The following NRG3 variants were observed in gnomAD, a reference collection of about 807,000 sequenced individuals.
NRG3 encodes neuregulin 3.
A neutral mutation model predicts 66.9 loss-of-function variants in NRG3; 31 were observed. The ratio of observed to expected loss-of-function variants is 0.46; its 90% confidence interval spans 0.35 to 0.63. NRG3 has a LOEUF of 0.63. NRG3 is among the 20% of genes least tolerant of loss of function. The pLI is 0.00. For synonymous variants in NRG3, 393 were observed against 359.4 expected (o/e 1.09, Z -1.06); for missense variants, 910 against 878.9 (o/e 1.04, Z -0.45).
intron 2 of NRG3, among the ~76,000 whole-genome samples, chr10:82,732,514 T>C (rs767279234): frequency 1.3e-5 from 2 of 152,214 alleles, no homozygotes; most frequent in Non-Finnish European, 2.9e-5. Flanking sequence ...TGAGTTTGTA[T>C]GTAGTTCAAG....
rs1176653569 is a variant in NRG3 at position 82,885,272 on chromosome 10, A to G, written c.1054+19835A>G. ...AATTGTGACAATAGAAGGCAAAAGCATGATGCTCCTGTAGCTGAAACAGGA... is the reference window on the plus strand; with the variant it reads ...AATTGTGACAATAGAAGGCAAAAGCGTGATGCTCCTGTAGCTGAAACAGGA... On this transcript the variant is annotated intron_variant, in intron 4 of 8. Transcript: ENST00000372141. 2.6e-5 allele frequency among the ~76,000 whole-genome samples: 4 copies of G among 152,206 alleles called. No homozygotes were observed. The East Asian group carries it at 7.7e-4, about 29-fold the overall frequency.
chr10:81,936,704 T>C (rs920105956), intron 1 of NRG3, among the ~76,000 whole-genome samples: 7 of 152,116 alleles, frequency 4.6e-5, no homozygotes, highest in African/African-American at 9.7e-5. Flanking sequence ...ACCACCCTGC[T>C]ATAGTCAGGG....
intron 2 of NRG3, among the ~76,000 whole-genome samples, chr10:82,388,352 G>A (rs1461807242): frequency 6.6e-6 from 1 of 152,170 alleles, no homozygotes; most frequent in Non-Finnish European, 1.5e-5. Flanking sequence ...GTATTTGCTT[G>A]TGTATGGATT....
chr10:82,621,606 G>A (rs2049044257), intron 2 of NRG3, among the ~76,000 whole-genome samples: 1 of 152,150 alleles, frequency 6.6e-6, no homozygotes, highest in African/African-American at 2.4e-5. Flanking sequence ...GTCTATAAAA[G>A]GTAATTGATT....
chr10:82,973,894 G>A lies in NRG3; in HGVS notation c.1391G>A (p.Ser464Asn), dbSNP rs1564682719. The A allele has an allele frequency of 1.9e-6, 3 of 1,614,044 alleles. No individual in the cohort carries two copies. Among genetic ancestry groups the A allele is most frequent in the South Asian group, 2.2e-5 (2 of 91,086 alleles). Residue 464 changes from serine to asparagine, a missense_variant, in exon 7 of 9, where the codon AGC (serine) becomes AAC (asparagine). Physicochemically the swap from Ser to Asn is conservative, Grantham distance 46. Coordinates refer to ENST00000372141, the MANE Select transcript of NRG3 (RefSeq NM_001010848.4). ...GAGGTCCCTTCTCCTGACAGAGGAA[G>A]CCAGTCTGTCAAACACCACAGGTAC... Reference protein sequence around the residue: ...FPEVPSPDRGSQSVKHHRSLS... With the variant: ...FPEVPSPDRGNQSVKHHRSLS...
At chr10:81,891,470 C>G (rs924826270) in intron 1 of NRG3, among the ~76,000 whole-genome samples, 1 of 152,136 alleles carries the variant, frequency 6.6e-6, no homozygotes, top group African/African-American at 2.4e-5. Context: ...CTACCACTTC[C>G]ACTTAGATGC....
chr10:82,392,070 C>T (rs1181500507), intron 2 of NRG3, among the ~76,000 whole-genome samples: 3 of 149,512 alleles, frequency 2.0e-5, no homozygotes, highest in Non-Finnish European at 4.4e-5. Flanking sequence ...GAATTCCACT[C>T]ACATTTCAAA....
At chr10:82,589,112 G>A (rs1193769139) in intron 2 of NRG3, among the ~76,000 whole-genome samples, 1 of 152,086 alleles carries the variant, frequency 6.6e-6, no homozygotes, top group Non-Finnish European at 1.5e-5. Context: ...CTCTCTGTCA[G>A]TCTCCCTTAA....
chr10:82,723,073 G>C (rs1182783546), intron 2 of NRG3, among the ~76,000 whole-genome samples: 1 of 152,076 alleles, frequency 6.6e-6, no homozygotes, highest in African/African-American at 2.4e-5. Flanking sequence ...ATCAACCTAG[G>C]TGCTGATCAA....
intron 1 of NRG3, among the ~76,000 whole-genome samples, chr10:81,936,420 T>G (rs1297384207): frequency 6.6e-6 from 1 of 152,056 alleles, no homozygotes; most frequent in Admixed American, 6.6e-5. Context: ...GGAGTCTCTG[T>G]AGGTTACTAA....
At chr10:82,826,013 G>T (rs998207409) in intron 3 of NRG3, among the ~76,000 whole-genome samples, 1 of 152,106 alleles carries the variant, frequency 6.6e-6, no homozygotes, top group Admixed American at 6.6e-5. Flanking sequence ...TTAGCTTATT[G>T]TATTGTACCA....
At chr10:82,630,539 G>T (rs1024302696) in intron 2 of NRG3, among the ~76,000 whole-genome samples, 5 of 151,888 alleles carry the variant, frequency 3.3e-5, no homozygotes, top group Non-Finnish European at 7.4e-5. Context: ...TGGCCCGGAC[G>T]TGGTGGTGGG....
chr10:81,947,786 G>A (rs1394075901), intron 1 of NRG3, among the ~76,000 whole-genome samples: 3 of 151,914 alleles, frequency 2.0e-5, no homozygotes, highest in African/African-American at 7.2e-5. Context: ...GTGCCGTCGG[G>A]GACTTCAGCA....
chr10:82,531,262 C>A (rs1322116840), intron 2 of NRG3, among the ~76,000 whole-genome samples: 1 of 151,640 alleles, frequency 6.6e-6, no homozygotes, highest in Non-Finnish European at 1.5e-5. Context: ...ATAATGCCAT[C>A]TTTTCAAGAT....
chr10:82,738,772 A>G, intron 3 of NRG3, 122 bp downstream of exon 3: 1 of 820,376 alleles, frequency 1.2e-6, no homozygotes, highest in Non-Finnish European at 2.0e-6. Context: ...TGCCAAGGAC[A>G]GAAGCTGATG....
intron 2 of NRG3, among the ~76,000 whole-genome samples, chr10:82,581,425 G>T (rs2046349175): frequency 6.6e-6 from 1 of 151,978 alleles, no homozygotes; most frequent in Non-Finnish European, 1.5e-5. Context: ...TCACAGAGCA[G>T]AAGTTTTAAA....
intron 2 of NRG3, among the ~76,000 whole-genome samples, chr10:82,435,132 G>A (rs1338197201): frequency 6.6e-6 from 1 of 152,024 alleles, no homozygotes; most frequent in Admixed American, 6.6e-5. Flanking sequence ...GCTTGTTATT[G>A]GTTTATTCAG....
At chr10:82,374,219 A>T (rs1406412827) in intron 2 of NRG3, among the ~76,000 whole-genome samples, 1 of 152,222 alleles carries the variant, frequency 6.6e-6, no homozygotes, top group Non-Finnish European at 1.5e-5. Flanking sequence ...ACACTGCTTC[A>T]TAATTGCCTA....
intron 1 of NRG3, among the ~76,000 whole-genome samples, chr10:82,096,031 T>G (rs2043538055): frequency 6.6e-6 from 1 of 152,122 alleles, no homozygotes; most frequent in African/African-American, 2.4e-5. Flanking sequence ...CTGGACAGCA[T>G]TGGCAAGACG....
Sources: gnomAD v4.1 joint callset for allele counts (sites outside exome capture counted in the v4.1 genomes callset) on GRCh38, gnomAD v4.1.1 for gene constraint, MANE v1.5 for transcripts, NCBI Gene and HGNC (gene_info 2026-07-23, HGNC 2026-07-21) for gene names.